The following SPAG16 variants were observed in gnomAD, a reference collection of about 807,000 sequenced individuals.
SPAG16 encodes sperm associated antigen 16, also known as sperm-associated antigen 16 protein.
Under a neutral mutation model 80.4 loss-of-function variants are expected in SPAG16, and 86 were observed. The ratio of observed to expected loss-of-function variants is 1.07; its 90% CI spans 0.90 to 1.28. The LOEUF (loss-of-function observed/expected upper bound fraction) is 1.28. Ranked by LOEUF, SPAG16 falls within the 50% of genes most tolerant of loss-of-function variation. SPAG16 has a pLI of 0.00. For synonymous variants in SPAG16, 294 were observed against 265.9 expected, an observed-to-expected ratio of 1.11 and a Z score of -1.03; for missense variants, 870 against 765.3, an observed-to-expected ratio of 1.14 and a Z score of -1.61.
chr2:213,891,217 A>C (rs931382972), intron 11 of SPAG16, among the ~76,000 whole-genome samples: 1 of 152,094 alleles, frequency 6.6e-6, no homozygotes, highest in Non-Finnish European at 1.5e-5. Flanking sequence ...TACAATTCTT[A>C]AGTCAATTGA....
chr2:213,363,603 T>C (rs897984298), intron 7 of SPAG16, among the ~76,000 whole-genome samples: 2 of 152,092 alleles, frequency 1.3e-5, no homozygotes, highest in East Asian at 1.9e-4. Context: ...ATAAGACATG[T>C]TTAATAAAAT....
chr2:213,450,406 A>G (rs940253681), intron 9 of SPAG16, among the ~76,000 whole-genome samples: 8 of 152,248 alleles, frequency 5.3e-5, no homozygotes, highest in Admixed American at 1.3e-4. Flanking sequence ...CTTTGATTAT[A>G]TCTTCGTTTA....
chr2:213,987,397 C>A (rs901867484), intron 12 of SPAG16, among the ~76,000 whole-genome samples: 8 of 152,014 alleles, frequency 5.3e-5, no homozygotes, highest in African/African-American at 1.9e-4. Context: ...TAATTTAGAT[C>A]TTGTTTAATG....
intron 9 of SPAG16, among the ~76,000 whole-genome samples, chr2:213,429,205 G>C (rs2070137587): frequency 6.6e-6 from 1 of 151,998 alleles, no homozygotes; most frequent in African/African-American, 2.4e-5. Flanking sequence ...TAATTGCTCT[G>C]TCTCAGGAAT....
In SPAG16 at chr2:214,140,936, G is replaced by T. The variant is rs1182706765; in HGVS notation, c.1594-8204G>T. ...ATTGTTAAGTATATCCCATTGGTGGGGGGGGGGGGGTGGGGGGTGGGGGGA... is the reference window on the plus strand; with the variant it reads ...ATTGTTAAGTATATCCCATTGGTGGTGGGGGGGGGGTGGGGGGTGGGGGGA... On this transcript the variant is annotated intron_variant, in intron 14 of 15. Transcript: ENST00000331683. Among the ~76,000 whole-genome samples the T allele has an allele frequency of 3.2e-3, 3 of 930 alleles. No individual in the cohort carries two copies. In the Non-Finnish European group the frequency reaches 0.045, roughly 14 times the overall value. 0.6% of individuals were successfully genotyped at this position (930 alleles called of 152,430 possible). A position where few individuals can be genotyped will look rare whatever the true frequency, so the allele number is the denominator to read the frequency against.
chr2:213,751,782 A>T (rs2068088566), intron 10 of SPAG16, among the ~76,000 whole-genome samples: 1 of 152,166 alleles, frequency 6.6e-6, no homozygotes, highest in South Asian at 2.1e-4. Flanking sequence ...TGAAAGGACG[A>T]CCTGGTCACA....
In SPAG16 at chr2:213,859,483, T is replaced by C. The variant is rs560105425; in HGVS notation, c.1071-3002T>C. Among the ~76,000 whole-genome samples, 24 of 152,298 alleles carry C rather than the reference T, an allele frequency of 1.6e-4. 2 individuals carry two copies. The highest frequency in any genetic ancestry group is 5.8e-4 in the African/African-American group (24 of 41,564). On this transcript the variant is annotated intron_variant, in intron 10 of 15. Coordinates refer to ENST00000331683, the MANE Select transcript of SPAG16 (RefSeq NM_024532.5). The stretch of plus-strand genomic sequence containing the variant: ...TCTGATACAATACACTGGCAATTTC[T>C]AAATTGGTTCTTTACCTCAGGGCTT...
chr2:213,829,885 A>C (rs560729989), intron 10 of SPAG16, among the ~76,000 whole-genome samples: 85 of 152,174 alleles, frequency 5.6e-4, no homozygotes, highest in Non-Finnish European at 1.0e-3. Flanking sequence ...GTTGCAAAAC[A>C]ATGTCCCCTT....
intron 10 of SPAG16, among the ~76,000 whole-genome samples, chr2:213,768,941 G>A (rs552103684): frequency 7.2e-5 from 11 of 152,182 alleles, no homozygotes; most frequent in African/African-American, 2.2e-4. Context: ...CATAAGAAAA[G>A]GTCTGAGAGG....
intron 13 of SPAG16, among the ~76,000 whole-genome samples, chr2:214,025,093 G>T (rs1480457865): frequency 6.6e-6 from 1 of 151,514 alleles, no homozygotes; most frequent in East Asian, 1.9e-4. Context: ...TTAAATCACA[G>T]TATTAGCACT....
At chr2:214,002,174 T>A (rs992245148) in intron 12 of SPAG16, among the ~76,000 whole-genome samples, 7 of 152,190 alleles carry the variant, frequency 4.6e-5, no homozygotes, top group Non-Finnish European at 8.8e-5. Context: ...TTATGGGAAC[T>A]CCAATTCAAG....
intron 10 of SPAG16, among the ~76,000 whole-genome samples, chr2:213,701,511 G>T (rs1415880489): frequency 6.6e-6 from 1 of 152,088 alleles, no homozygotes; most frequent in East Asian, 1.9e-4. Flanking sequence ...TCTCTGGGCT[G>T]GCCAAGGCCA....
intron 14 of SPAG16, among the ~76,000 whole-genome samples, chr2:214,146,938 A>G (rs988496886): frequency 1.3e-5 from 2 of 151,504 alleles, no homozygotes; most frequent in African/African-American, 2.4e-5. Flanking sequence ...GGAGACGGAC[A>G]TTGCAGTGAG....
At chr2:213,704,712 C>A (rs1023323081) in intron 10 of SPAG16, among the ~76,000 whole-genome samples, 2 of 152,088 alleles carry the variant, frequency 1.3e-5, no homozygotes, top group Non-Finnish European at 2.9e-5. Flanking sequence ...ATGTTCTCAC[C>A]TAAATGTGGT....
chr2:214,231,505 C>G (rs900430376), intron 15 of SPAG16, among the ~76,000 whole-genome samples: 1 of 151,878 alleles, frequency 6.6e-6, no homozygotes, highest in African/African-American at 2.4e-5. Context: ...TATAACGATA[C>G]TCATGCATAT....
At chr2:213,552,989 A>G (rs1338570089) in intron 10 of SPAG16, among the ~76,000 whole-genome samples, 2 of 152,262 alleles carry the variant, frequency 1.3e-5, no homozygotes, top group Non-Finnish European at 2.9e-5. Context: ...TGAAGGCTGC[A>G]CTGTCAGCTT....
intron 13 of SPAG16, among the ~76,000 whole-genome samples, chr2:214,102,743 A>G (rs1260268462): frequency 1.3e-5 from 2 of 151,992 alleles, no homozygotes; most frequent in Non-Finnish European, 2.9e-5. Context: ...TGCTCAGAAG[A>G]AAGAATTCGA....
intron 12 of SPAG16, among the ~76,000 whole-genome samples, chr2:213,963,468 T>C (rs781040189): frequency 6.6e-6 from 1 of 152,176 alleles, no homozygotes; most frequent in Non-Finnish European, 1.5e-5. Context: ...ACTATACGAT[T>C]TATCTTGGAA....
intron 10 of SPAG16, among the ~76,000 whole-genome samples, chr2:213,518,233 A>C (rs2075518756): frequency 6.6e-6 from 1 of 152,230 alleles, no homozygotes; most frequent in Non-Finnish European, 1.5e-5. Flanking sequence ...ATTGCAGATC[A>C]AAACCATGAT....
Sources: allele counts gnomAD v4.1 joint callset (sites outside exome capture counted in the v4.1 genomes callset), GRCh38; gene constraint gnomAD v4.1.1; transcripts MANE v1.5; gene names NCBI Gene and HGNC (gene_info 2026-07-23, HGNC 2026-07-21).